The following CACNA1E variants were observed in gnomAD, a reference collection of about 807,000 sequenced individuals.
CACNA1E encodes the protein calcium voltage-gated channel subunit alpha1 E.
CACNA1E carries 40 observed loss-of-function variants against 259.2 expected under a neutral mutation model. The observed-to-expected ratio is 0.15, with a 90% CI of 0.12 to 0.20. The LOEUF (loss-of-function observed/expected upper bound fraction) is 0.20. Ranked by LOEUF, CACNA1E falls within the 10% of genes least tolerant of loss-of-function variation. CACNA1E has a pLI of 1.00. For missense variants in CACNA1E, 1,874 were observed against 3,040.1 expected (o/e 0.62, Z 9.02); for synonymous variants, 1,104 against 1,138.5 (o/e 0.97, Z 0.61).
intron 6 of CACNA1E, among the ~76,000 whole-genome samples, chr1:181,583,390 C>G (rs1471709743): frequency 6.6e-6 from 1 of 152,148 alleles, no homozygotes; most frequent in East Asian, 1.9e-4. Flanking sequence ...ATGAAGAGCA[C>G]TAAGAGAGGG....
Position 181,390,897 on chromosome 1 carries a change from C to T in CACNA1E, c.-14-22236C>T, listed in dbSNP as rs561008948. On this transcript the variant is annotated intron_variant, in intron 1 of 11. Coordinates refer to the CACNA1E transcript ENST00000524607. ...AATTGCTTCCTGTTGGAAAGATGCC[C>T]GAGGCTTCATGAAGGAGGAGATGAT... 5.9e-5 allele frequency among the ~76,000 whole-genome samples: 9 copies of T among 152,196 alleles called. No individual in the cohort carries two copies. In the South Asian group the frequency reaches 8.3e-4, roughly 14 times the overall value.
chr1:181,376,864 T>C (rs1377034335), intron 1 of CACNA1E, among the ~76,000 whole-genome samples: 1 of 152,164 alleles, frequency 6.6e-6, no homozygotes, highest in African/African-American at 2.4e-5. Flanking sequence ...TTTGTGGCCT[T>C]TGCTACTTCT....
intron 1 of CACNA1E, among the ~76,000 whole-genome samples, chr1:181,387,227 C>T (rs1223981812): frequency 6.6e-6 from 1 of 152,098 alleles, no homozygotes; most frequent in African/African-American, 2.4e-5. Context: ...CTCAGCTTTC[C>T]TGCAGAAAGG....
chr1:181,423,666 T>G (rs1432122254), intron 2 of CACNA1E, among the ~76,000 whole-genome samples: 1 of 150,046 alleles, frequency 6.7e-6, no homozygotes. Context: ...GGGCCAATTT[T>G]TTTTTTTTTT....
chr1:181,644,630 TAAATC>T (rs1384009967), intron 6 of CACNA1E, among the ~76,000 whole-genome samples: 2 of 152,188 alleles, frequency 1.3e-5, no homozygotes, highest in Non-Finnish European at 2.9e-5. Flanking sequence ...TAGAATGCCT[TAAATC>T]AAATTCCCTA....
At chr1:181,487,074 A>C (rs1202719635) in intron 1 of CACNA1E, among the ~76,000 whole-genome samples, 1 of 151,176 alleles carries the variant, frequency 6.6e-6, no homozygotes, top group Non-Finnish European at 1.5e-5. Context: ...TTCAGAAAAC[A>C]TGTCAAGACC....
At chr1:181,611,978 GA>G (rs1654791522) in intron 6 of CACNA1E, among the ~76,000 whole-genome samples, 2 of 152,196 alleles carry the variant, frequency 1.3e-5, no homozygotes, top group Admixed American at 6.5e-5. Context: ...AAACACGCAA[GA>G]GAAGATTTCC....
intron 25 of CACNA1E, among the ~76,000 whole-genome samples, chr1:181,745,546 G>GA (rs1656998999): frequency 6.6e-6 from 1 of 151,982 alleles, no homozygotes. Context: ...TGGATTAGTG[G>GA]AAACTCCTCA....
intron 6 of CACNA1E, among the ~76,000 whole-genome samples, chr1:181,613,858 T>C (rs913507457): frequency 6.6e-6 from 1 of 152,224 alleles, no homozygotes; most frequent in African/African-American, 2.4e-5. Context: ...ATGATGTTTT[T>C]TCACTGGTGC....
intron 2 of CACNA1E, among the ~76,000 whole-genome samples, chr1:181,456,177 A>T (rs11810030): frequency 6.6e-6 from 1 of 151,450 alleles, no homozygotes; most frequent in African/African-American, 2.4e-5. Context: ...ATCATTGCTG[A>T]TGGTACCAGT....
At chr1:181,787,057 G>C (rs778602838) in intron 43 of CACNA1E, among the ~76,000 whole-genome samples, 3 of 151,984 alleles carry the variant, frequency 2.0e-5, no homozygotes, top group Non-Finnish European at 4.4e-5. Context: ...GTAGGAGGGA[G>C]GGAGGGAAAG....
chr1:181,354,675 G>A (rs181491871), intron 1 of CACNA1E, among the ~76,000 whole-genome samples: 7 of 152,230 alleles, frequency 4.6e-5, no homozygotes, highest in African/African-American at 7.2e-5. Flanking sequence ...GTTCCCACCC[G>A]CAGAGTAGTT....
At chr1:181,532,012 C>T (rs1667825004) in intron 3 of CACNA1E, among the ~76,000 whole-genome samples, 1 of 152,118 alleles carries the variant, frequency 6.6e-6, no homozygotes, top group Non-Finnish European at 1.5e-5. Context: ...GCCGCCATTG[C>T]ACCGTTGCAC....
At chr1:181,473,827 C>T (rs1337043032) in intron 2 of CACNA1E, among the ~76,000 whole-genome samples, 1 of 152,218 alleles carries the variant, frequency 6.6e-6, no homozygotes. Context: ...TAGGATTGAT[C>T]TTTTGCTATG....
At chr1:181,738,915 G>T (rs958176341) in intron 24 of CACNA1E, among the ~76,000 whole-genome samples, 1 of 151,998 alleles carries the variant, frequency 6.6e-6, no homozygotes, top group Admixed American at 6.5e-5. Context: ...ATGTGTCAGG[G>T]TTCTGTGACA....
At chr1:181,631,462 A>G (rs1656730013) in intron 6 of CACNA1E, among the ~76,000 whole-genome samples, 1 of 152,114 alleles carries the variant, frequency 6.6e-6, no homozygotes, top group African/African-American at 2.4e-5. Flanking sequence ...CTGATACCAG[A>G]GGTGTCCTCT....
At chr1:181,415,995 G>A (rs764496128) in intron 2 of CACNA1E, among the ~76,000 whole-genome samples, 1 of 152,220 alleles carries the variant, frequency 6.6e-6, no homozygotes, top group Non-Finnish European at 1.5e-5. Flanking sequence ...TTCACAAAGA[G>A]ACGGGATGTC....
chr1:181,579,532 G>T (rs1346064080), intron 5 of CACNA1E, among the ~76,000 whole-genome samples: 1 of 152,180 alleles, frequency 6.6e-6, no homozygotes, highest in Non-Finnish European at 1.5e-5. Context: ...CAGGCATAGT[G>T]GCACCCACCT....
chr1:181,496,511 G>A (rs541876689), intron 1 of CACNA1E, among the ~76,000 whole-genome samples: 3 of 152,276 alleles, frequency 2.0e-5, no homozygotes, highest in South Asian at 4.1e-4. Context: ...GGTATTTAGG[G>A]CCTCTATGTT....
Sources: allele counts gnomAD v4.1 joint callset (sites outside exome capture counted in the v4.1 genomes callset), GRCh38; gene constraint gnomAD v4.1.1; transcripts MANE v1.5; gene names NCBI Gene and HGNC (gene_info 2026-07-23, HGNC 2026-07-21).